The following ZNF419 variants were observed in gnomAD, a reference collection of about 807,000 sequenced individuals.
The protein encoded by ZNF419 is zinc finger protein 419A.
ZNF419 carries 8 observed loss-of-function variants against 14.9 expected under a neutral mutation model. The observed-to-expected ratio is 0.54, with a 90% CI of 0.32 to 0.97. The LOEUF (loss-of-function observed/expected upper bound fraction) is 0.97, where lower values mean the gene tolerates loss of function less well. Among genes scored for constraint, ZNF419 ranks in the 50% least tolerant of loss-of-function variants. The pLI is 0.04. For missense variants in ZNF419, 595 were observed against 607.2 expected (o/e 0.98, Z 0.21); for synonymous variants, 211 against 205.3 (o/e 1.03, Z -0.24).
At chr19:57,492,748 C>A in intron 4 of ZNF419, 108 bp from the exon 5 acceptor site, 1 of 1,439,562 alleles carries the variant, frequency 6.9e-7, no homozygotes, top group Non-Finnish European at 9.8e-7. Flanking sequence ...TTTATTTCTG[C>A]TAGCAGCCCC....
Position 57,492,221 on chromosome 19 carries a change from G to T in ZNF419, c.298+10G>T. 6.2e-7 allele frequency: 1 copy of T among 1,614,038 alleles called. No homozygotes were observed. Among genetic ancestry groups the T allele is most frequent in the Non-Finnish European group, 8.5e-7 (1 of 1,179,940 alleles). On this transcript the variant is annotated intron_variant, in intron 4 of 4. Coordinates refer to ENST00000221735, the MANE Select transcript of ZNF419 (RefSeq NM_024691.4). ...TCAGCCATACCGAGAGGTAGTTGGT[G>T]GGTGGAGCTCAGGGAGGTGTGAACT...
At position 57,487,916 on chromosome 19, in the gene ZNF419, C is replaced by T; in HGVS notation, c.-35C>T. 1 of 1,613,758 alleles carries T rather than the reference C, an allele frequency of 6.2e-7. No individual in the cohort carries two copies. Among genetic ancestry groups the T allele is most frequent in the Non-Finnish European group, 8.5e-7 (1 of 1,179,814 alleles). ...GGGTGGCCCGGGCCCTTTCCTCGGT[C>T]ATTGTCTCCCCTCCAGCTCTACTCA... is the stretch of plus-strand genomic sequence containing the variant. On this transcript the variant is annotated 5_prime_UTR_variant, in exon 1 of 5. Transcript: ENST00000221735.
rs1272644716 is a variant in ZNF419 at position 57,493,584 on chromosome 19, T to G, written c.1027T>G (p.Tyr343Asp). ...GAGAATTCACACTGGAGAAAGACCT[T>G]ATAAGTGCAGTGAATGTGGAAAATT... ...HQRIHTGERP[Y>D]KCSECGKFYS... The change falls in exon 5 of 5, where the codon TAT (tyrosine) becomes GAT (aspartate). Residue 343 changes from tyrosine to aspartate, a missense_variant. Physicochemically the swap from Tyr to Asp is radical, Grantham distance 160 (BLOSUM62 -3). Transcript: ENST00000221735. The G allele has an allele frequency of 6.2e-7, 1 of 1,609,186 alleles. No individual in the cohort carries two copies. The highest frequency in any genetic ancestry group is 1.3e-5 in the African/African-American group (1 of 74,808).
rs367616899 is a variant in ZNF419 at position 57,493,043 on chromosome 19, G to T, written c.486G>T (p.Arg162Ser). 5.0e-6 allele frequency: 8 copies of T among 1,614,116 alleles called. No individual in the cohort carries two copies. In the African/African-American group the frequency reaches 9.3e-5, roughly 19 times the overall value. Residue 162 changes from arginine to serine, a missense_variant, in exon 5 of 5, where the codon AGG (arginine) becomes AGT (serine). By Grantham distance (110) the Arg-to-Ser change is moderately radical. Coordinates refer to ENST00000221735, the MANE Select transcript of ZNF419 (RefSeq NM_024691.4). The part of the protein sequence containing the change: ...VHLSEKSLQS[R>S]EVGKALLISS... ...TATCAGAGAAGTCCTTGCAAAGCAGGGAGGTTGGGAAGGCCCTCCTGATCA... is the reference window on the plus strand; with the variant it reads ...TATCAGAGAAGTCCTTGCAAAGCAGTGAGGTTGGGAAGGCCCTCCTGATCA...
At position 57,494,349 on chromosome 19, in the gene ZNF419, A is replaced by G. The variant is rs1285019393; in HGVS notation, c.*259A>G. 4 of 437,300 alleles carry G rather than the reference A, an allele frequency of 9.1e-6. No individual in the cohort carries two copies. The highest frequency in any genetic ancestry group is 1.5e-5 in the Non-Finnish European group (4 of 258,836). 27.1% of individuals were successfully genotyped at this position (437,300 alleles called of 1,614,324 possible). On this transcript the variant is annotated 3_prime_UTR_variant, in exon 5 of 5. Coordinates refer to ENST00000221735, the MANE Select transcript of ZNF419 (RefSeq NM_024691.4). ...GGTTATGTACTGTCTCTGAATCAAT[A>G]TGACCTCACTTAAAACAGAAACTCT...
At chr19:57,488,624 G>A (rs1181168664) in intron 1 of ZNF419, 1 of 152,362 alleles carries the variant, frequency 6.6e-6, no homozygotes, top group Non-Finnish European at 1.5e-5. Flanking sequence ...GCTGTGCAGG[G>A]AGTAGGTTTT....
rs1305978295 is a variant in ZNF419 at position 57,487,919 on chromosome 19, T to C, written c.-32T>C. The C allele has an allele frequency of 6.2e-7, 1 of 1,613,760 alleles. No homozygotes were observed. Among genetic ancestry groups the C allele is most frequent in the African/African-American group, 1.3e-5 (1 of 75,050 alleles). On this transcript the variant is annotated 5_prime_UTR_variant, in exon 1 of 5. Transcript: ENST00000221735. ...TGGCCCGGGCCCTTTCCTCGGTCAT[T>C]GTCTCCCCTCCAGCTCTACTCACAG... is the stretch of plus-strand genomic sequence containing the variant.
At position 57,493,201 on chromosome 19, in the gene ZNF419, A is replaced by T; in HGVS notation, c.644A>T (p.Lys215Ile). 1 of 1,614,232 alleles carries T rather than the reference A, an allele frequency of 6.2e-7. No homozygotes were observed. Among genetic ancestry groups the T allele is most frequent in the Non-Finnish European group, 8.5e-7 (1 of 1,180,020 alleles). ...CSECGKAFGQ[K>I]YLLVQHQRLH... ...GAATGTGGGAAAGCCTTTGGTCAGAAATATTTACTTGTTCAGCACCAGAGA... is the reference window on the plus strand; with the variant it reads ...GAATGTGGGAAAGCCTTTGGTCAGATATATTTACTTGTTCAGCACCAGAGA... The change falls in exon 5 of 5, where the codon AAA (lysine) becomes ATA (isoleucine). Residue 215 changes from lysine (K) to isoleucine (I), a missense_variant. Physicochemically the swap from Lys to Ile is moderately radical, Grantham distance 102. Coordinates refer to ENST00000221735, the MANE Select transcript of ZNF419 (RefSeq NM_024691.4).
At chr19:57,488,220 C>G in intron 1 of ZNF419, 1 of 578,042 alleles carries the variant, frequency 1.7e-6, no homozygotes, top group Non-Finnish European at 2.9e-6. Context: ...TGGGAAGGGA[C>G]GAGGCGCGTG....
intron 1 of ZNF419, chr19:57,489,452 G>GA (rs1308634748): frequency 2.0e-5 from 3 of 149,378 alleles, no homozygotes; most frequent in African/African-American, 7.4e-5. Flanking sequence ...GTAAGTTTAA[G>GA]AAACCCATAT....
intron 1 of ZNF419, chr19:57,488,888 G>A (rs1389117830): frequency 6.6e-6 from 1 of 152,484 alleles, no homozygotes; most frequent in Non-Finnish European, 1.5e-5. Flanking sequence ...TGCCTCTATA[G>A]CATGGAGTTT....
intron 1 of ZNF419, 112 bp downstream of exon 1, chr19:57,488,095 T>C: frequency 4.0e-6 from 6 of 1,511,206 alleles, no homozygotes; most frequent in Non-Finnish European, 5.4e-6. Flanking sequence ...GTCCCGTTTC[T>C]GACACGCAGT....
In ZNF419 at chr19:57,492,636, C is replaced by A. The variant is rs1206703587; in HGVS notation, c.299-220C>A. The A allele has an allele frequency of 5.2e-6, 4 of 770,594 alleles. No individual in the cohort carries two copies. The East Asian group carries it at 9.9e-5, about 19-fold the overall frequency. The allele number at this position is 770,594 out of a possible 1,614,324, so 47.7% of individuals were successfully genotyped here. Reference sequence around the variant, plus strand: ...ACTGCCTCTCCTCCCTGTGCTATACCCCATCCTTGCATCCTTGGTGCTCAT... The same window carrying A: ...ACTGCCTCTCCTCCCTGTGCTATACACCATCCTTGCATCCTTGGTGCTCAT... On this transcript the variant is annotated intron_variant, in intron 4 of 4. Coordinates refer to ENST00000221735, the MANE Select transcript of ZNF419 (RefSeq NM_024691.4).
chr19:57,493,292 CCTTTTTATACACCAAA>C lies in ZNF419; in HGVS notation c.736_751del (p.Leu246Ter), dbSNP rs2089540515. 1 of 1,614,092 alleles carries C rather than the reference CCTTTTTATACACCAAA, an allele frequency of 6.2e-7. No individual in the cohort carries two copies. The highest frequency in any genetic ancestry group is 8.5e-7 in the Non-Finnish European group (1 of 1,180,050). ...GGAAGTTATTTAGAGATATGTCCAA[CCTTTTTATACACCAAA>C]TAGTTCACACTGGAGAAAGGCCTTA... On this transcript the variant is annotated frameshift_variant, in exon 5 of 5. Coordinates refer to ENST00000221735, the MANE Select transcript of ZNF419 (RefSeq NM_024691.4). LOFTEE classifies it low-confidence loss of function (END_TRUNC).
At position 57,488,173 on chromosome 19, in the gene ZNF419, C is replaced by G. The variant is rs2089401706; in HGVS notation, c.33+190C>G. 6 of 844,142 alleles carry G rather than the reference C, an allele frequency of 7.1e-6. No individual in the cohort carries two copies. In the Admixed American group the frequency reaches 1.7e-4, roughly 24 times the overall value. The allele number at this position is 844,142 out of a possible 1,614,324, so 52.3% of individuals were successfully genotyped here. A position where few individuals can be genotyped will look rare whatever the true frequency, so the allele number is the denominator to read the frequency against. ...GATGTGAGGCGCATTCAGCGAGTCC[C>G]GAACCTGAGGCCTCCTGGTGTCTGT... On this transcript the variant is annotated intron_variant, in intron 1 of 4. Transcript: ENST00000221735.
At position 57,494,237 on chromosome 19, in the gene ZNF419, T is replaced by C. The variant is rs1265148719; in HGVS notation, c.*147T>C. 7.1e-6 allele frequency: 9 copies of C among 1,259,020 alleles called. No individual in the cohort carries two copies. Among genetic ancestry groups the C allele is most frequent in the Non-Finnish European group, 9.7e-6 (9 of 929,098 alleles). The allele number at this position is 1,259,020 out of a possible 1,614,324, so 78.0% of individuals were successfully genotyped here. Reference sequence around the variant, plus strand: ...TGGACAGTTTACAATGTGGACAATGTAGTGAATATGGAAAAAGGTTTCAGC... The same window carrying C: ...TGGACAGTTTACAATGTGGACAATGCAGTGAATATGGAAAAAGGTTTCAGC... On this transcript the variant is annotated 3_prime_UTR_variant, in exon 5 of 5. Transcript: ENST00000221735.
In ZNF419 at chr19:57,493,441, C is replaced by A. The variant is rs1483102072; in HGVS notation, c.884C>A (p.Ala295Asp). ...KPFTCSECGK[A>D]FRHNSTLVQH... is the part of the protein sequence containing the mutation. ...TTTACATGCAGTGAATGTGGAAAAG[C>A]TTTCAGGCATAATTCCACACTTGTT... The change falls in exon 5 of 5, where the codon GCT becomes GAT. Residue 295 changes from alanine (A) to aspartate (D), a missense_variant. Physicochemically the swap from Ala to Asp is moderately radical, Grantham distance 126 (BLOSUM62 -2). Transcript: ENST00000221735. 1 of 1,612,828 alleles carries A rather than the reference C, an allele frequency of 6.2e-7. No individual in the cohort carries two copies.
rs752382983 is a variant in ZNF419 at position 57,493,246 on chromosome 19, C to T, written c.689C>T (p.Thr230Met). ...CAGAGACTACATGCTGGGAAAAAGA[C>T]GTATGAATGCAGTGAATGTGGGAAG... ...QHQRLHAGKK[T>M]YECSECGKLF... Residue 230 changes from threonine to methionine, a missense_variant, in exon 5 of 5, where the codon ACG becomes ATG. Coordinates refer to ENST00000221735, the MANE Select transcript of ZNF419 (RefSeq NM_024691.4). 5.6e-6 allele frequency: 9 copies of T among 1,614,212 alleles called. No individual in the cohort carries two copies. Among genetic ancestry groups the T allele is most frequent in the South Asian group, 5.5e-5 (5 of 91,086 alleles).
rs1312357931 is a variant in ZNF419, at chr19:57,496,083, C to T, written c.*1993C>T. On this transcript the variant is annotated 3_prime_UTR_variant, in exon 5 of 5. Coordinates refer to ENST00000221735, the MANE Select transcript of ZNF419 (RefSeq NM_024691.4). Reference sequence around the variant, plus strand: ...CTGCATTGGAAAATAAATAAATGTTCACAGAATAATGTTGACATATTAGCT... The same window carrying T: ...CTGCATTGGAAAATAAATAAATGTTTACAGAATAATGTTGACATATTAGCT... 1 of 152,106 alleles carries T rather than the reference C, an allele frequency of 6.6e-6. No homozygotes were observed. The highest frequency in any genetic ancestry group is 1.5e-5 in the Non-Finnish European group (1 of 68,018). 9.4% of individuals were successfully genotyped at this position (152,106 alleles called of 1,614,324 possible).
Sources: gnomAD v4.1 joint callset for allele counts on GRCh38, gnomAD v4.1.1 for gene constraint, MANE v1.5 for transcripts, NCBI Gene and HGNC (gene_info 2026-07-23, HGNC 2026-07-21) for gene names.